Variants in ZRANB3 observed in about 807,000 individuals in gnomAD.
ZRANB3 encodes the protein zinc finger RANBP2-type containing 3.
ZRANB3 carries 125 observed loss-of-function variants against 133.8 expected under a neutral mutation model. The observed-to-expected ratio is 0.93, with a 90% confidence interval of 0.81 to 1.08. ZRANB3 has a LOEUF of 1.08. Ranked by LOEUF, ZRANB3 falls within the 50% of genes least tolerant of loss-of-function variation. The probability of loss-of-function intolerance (pLI) is 0.00; values close to 1 mark genes in which losing one functional copy is unlikely to be tolerated. For synonymous variants in ZRANB3, 387 were observed against 432.7 expected, an observed-to-expected ratio of 0.89 and a Z score of 1.31; for missense variants, 1,229 against 1,275.5, an observed-to-expected ratio of 0.96 and a Z score of 0.56.
chr2:135,264,992 G>A (rs1369215369), intron 12 of ZRANB3, among the ~76,000 whole-genome samples: 4 of 151,932 alleles, frequency 2.6e-5, no homozygotes, highest in Admixed American at 6.6e-5. Context: ...CAGGTGATCC[G>A]CCTGCCTCAG....
At chr2:135,350,312 G>A in intron 4 of ZRANB3, 97 bp from the exon 5 acceptor site, 1 of 800,128 alleles carries the variant, frequency 1.2e-6, no homozygotes, top group Non-Finnish European at 1.9e-6. Context: ...GGAGAAGAAA[G>A]AAGAATAGAG....
chr2:135,400,709 G>T (rs1353138967), intron 2 of ZRANB3, among the ~76,000 whole-genome samples: 1 of 152,050 alleles, frequency 6.6e-6, no homozygotes, highest in Admixed American at 6.6e-5. Context: ...TTTTCTAATG[G>T]TAAATATTTT....
chr2:135,334,148 C>A (rs1276022638), intron 6 of ZRANB3, among the ~76,000 whole-genome samples: 1 of 152,184 alleles, frequency 6.6e-6, no homozygotes, highest in East Asian at 1.9e-4. Flanking sequence ...TAATGCATAT[C>A]TGATGGCTAC....
chr2:135,203,318 T>C (rs1469822923), intron 19 of ZRANB3, among the ~76,000 whole-genome samples: 2 of 152,004 alleles, frequency 1.3e-5, no homozygotes. Context: ...TAAGAATAGA[T>C]TAGAAATTTA....
At chr2:135,355,838 A>G (rs1422293446) in intron 3 of ZRANB3, among the ~76,000 whole-genome samples, 1 of 152,158 alleles carries the variant, frequency 6.6e-6, no homozygotes, top group Non-Finnish European at 1.5e-5. Context: ...ATGGTTTCAT[A>G]ACACATTTTC....
chr2:135,418,501 A>G (rs1688687514), intron 2 of ZRANB3, among the ~76,000 whole-genome samples: 1 of 152,222 alleles, frequency 6.6e-6, no homozygotes, highest in South Asian at 2.1e-4. Flanking sequence ...AAATATCAAC[A>G]TGCATTGTAT....
At chr2:135,488,433 G>T (rs1692218778) in intron 2 of ZRANB3, among the ~76,000 whole-genome samples, 1 of 151,682 alleles carries the variant, frequency 6.6e-6, no homozygotes, top group Non-Finnish European at 1.5e-5. Flanking sequence ...CACAATATAT[G>T]CAAAGCACAA....
intron 2 of ZRANB3, among the ~76,000 whole-genome samples, chr2:135,415,777 T>C (rs1239137150): frequency 6.6e-6 from 1 of 152,176 alleles, no homozygotes; most frequent in Non-Finnish European, 1.5e-5. Flanking sequence ...GTGGGCTTCA[T>C]CCCTGGGATG....
chr2:135,363,027 TA>T (rs972042823), intron 3 of ZRANB3, among the ~76,000 whole-genome samples: 5 of 151,282 alleles, frequency 3.3e-5, no homozygotes, highest in Non-Finnish European at 5.9e-5. Flanking sequence ...GTAAAAAGAT[TA>T]AAAAAAAAGT....
chr2:135,337,225 T>C (rs1332168731), intron 6 of ZRANB3, among the ~76,000 whole-genome samples: 2 of 152,154 alleles, frequency 1.3e-5, no homozygotes, highest in Non-Finnish European at 2.9e-5. Flanking sequence ...TCTTTGTTCA[T>C]ATTCAGCTTA....
At position 135,366,704 on chromosome 2, in the gene ZRANB3, TGTAA is replaced by T. The variant is rs200594669; in HGVS notation, c.181-13080_181-13077del. On this transcript the variant is annotated intron_variant, in intron 3 of 20. Transcript: ENST00000264159. ...AAAGAAAGAGAAAACTATCAATTCT[TGTAA>T]GTATTTATTATTTAAAAATTAATTT... Among the ~76,000 whole-genome samples, 930 of 152,178 alleles carry T rather than the reference TGTAA, an allele frequency of 6.1e-3. 8 individuals carry two copies. Among genetic ancestry groups the T allele is most frequent in the South Asian group, 0.042 (201 of 4,814 alleles).
At chr2:135,241,653 A>C (rs895696722) in intron 12 of ZRANB3, among the ~76,000 whole-genome samples, 1 of 152,064 alleles carries the variant, frequency 6.6e-6, no homozygotes, top group Admixed American at 6.6e-5. Context: ...ACTGAACATG[A>C]GGGGTGAGGA....
rs192485322 is a variant in ZRANB3, at chr2:135,435,355, G to A, written c.162-44535C>T. 9.2e-5 allele frequency among the ~76,000 whole-genome samples: 14 copies of A among 152,136 alleles called. No homozygotes were observed. In the East Asian group the frequency reaches 2.7e-3, roughly 29 times the overall value. On this transcript the variant is annotated intron_variant, in intron 2 of 20. Transcript: ENST00000264159. ...TTTTTATGGCTGCATAGTATTCCAT[G>A]GTGTATATGTATCACATTTTCTTTA...
At chr2:135,295,627 T>C (rs949424471) in intron 8 of ZRANB3, among the ~76,000 whole-genome samples, 2 of 152,218 alleles carry the variant, frequency 1.3e-5, no homozygotes, top group African/African-American at 4.8e-5. Context: ...ATTATGATGT[T>C]AGCTGGTTAT....
At chr2:135,473,513 A>C (rs1486752775) in intron 2 of ZRANB3, among the ~76,000 whole-genome samples, 1 of 151,944 alleles carries the variant, frequency 6.6e-6, no homozygotes, top group Non-Finnish European at 1.5e-5. Context: ...GGTAATGTAC[A>C]TTGCCTTTGT....
chr2:135,277,933 C>CAAAAAAAAAAA (rs367859811), intron 8 of ZRANB3, among the ~76,000 whole-genome samples: 1 of 115,708 alleles, frequency 8.6e-6, no homozygotes, highest in Non-Finnish European at 1.9e-5. Context: ...AAAAAAAAAA[C>CAAAAAAAAAAA]AAAAAAAAAA....
intron 6 of ZRANB3, among the ~76,000 whole-genome samples, chr2:135,336,203 C>T (rs1684364528): frequency 6.6e-6 from 1 of 152,184 alleles, no homozygotes; most frequent in Non-Finnish European, 1.5e-5. Flanking sequence ...GTTACCTATA[C>T]CCTAACTTCT....
At chr2:135,506,647 T>C (rs1283886169) in intron 1 of ZRANB3, among the ~76,000 whole-genome samples, 2 of 152,250 alleles carry the variant, frequency 1.3e-5, no homozygotes, top group African/African-American at 4.8e-5. Context: ...AACATGTGTC[T>C]GGTAGCTATG....
Position 135,452,773 on chromosome 2 carries a change from G to A in ZRANB3, c.161+51556C>T, listed in dbSNP as rs186934938. Among the ~76,000 whole-genome samples, 430 of 152,350 alleles carry A rather than the reference G, an allele frequency of 2.8e-3. 1 individual carries two copies. Among genetic ancestry groups the A allele is most frequent in the African/African-American group, 9.4e-3 (389 of 41,586 alleles). ...GCAGCTCTGCCCCTGTGGCTTTGCA[G>A]GGTAGAGCCTCCCTCCTGGCTGCTT... On this transcript the variant is annotated intron_variant, in intron 2 of 20. Coordinates refer to ENST00000264159, the MANE Select transcript of ZRANB3 (RefSeq NM_032143.4).
Sources: gnomAD v4.1 joint callset for allele counts (sites outside exome capture counted in the v4.1 genomes callset) on GRCh38, gnomAD v4.1.1 for gene constraint, MANE v1.5 for transcripts, NCBI Gene and HGNC (gene_info 2026-07-23, HGNC 2026-07-21) for gene names.